Variants in DPYS observed in about 807,000 individuals in gnomAD.
DPYS encodes the protein dihydropyrimidinase.
DPYS carries 39 observed loss-of-function variants against 50.3 expected under a neutral mutation model. The observed-to-expected ratio is 0.78, with a 90% CI of 0.60 to 1.01. The LOEUF (loss-of-function observed/expected upper bound fraction) is 1.01. DPYS is among the 50% of genes least tolerant of loss of function. The probability of loss-of-function intolerance (pLI) is 0.00; values close to 1 mark genes in which losing one functional copy is unlikely to be tolerated. For synonymous variants in DPYS, 245 were observed against 250.7 expected, an observed-to-expected ratio of 0.98 and a Z score of 0.22; for missense variants, 659 against 680.9, an observed-to-expected ratio of 0.97 and a Z score of 0.36.
chr8:104,423,152 A>AT (rs1812602618), intron 7 of DPYS, among the ~76,000 whole-genome samples: 1 of 152,220 alleles, frequency 6.6e-6, no homozygotes, highest in South Asian at 2.1e-4. Context: ...TAAGATGTGT[A>AT]TACCACCCTT....
At chr8:104,410,114 A>G (rs112643275) in intron 7 of DPYS, among the ~76,000 whole-genome samples, 49 of 152,294 alleles carry the variant, frequency 3.2e-4, no homozygotes, top group African/African-American at 1.1e-3. Context: ...ATACATGAGC[A>G]AGGCTGCAGT....
At chr8:104,451,069 G>C (rs1466282287) in intron 2 of DPYS, among the ~76,000 whole-genome samples, 177 bp downstream of exon 2, 1 of 151,956 alleles carries the variant, frequency 6.6e-6, no homozygotes, top group African/African-American at 2.4e-5. Flanking sequence ...TTTTAAAATT[G>C]GTAATACTTC....
chr8:104,419,010 T>C (rs1384280315), intron 7 of DPYS: 3 of 985,352 alleles, frequency 3.0e-6, no homozygotes, highest in Non-Finnish European at 2.4e-6. Flanking sequence ...TGGCTTCATT[T>C]CATCTCTCTA....
chr8:104,390,976 C>T (rs375866892), intron 8 of DPYS, among the ~76,000 whole-genome samples: 2 of 152,172 alleles, frequency 1.3e-5, no homozygotes, highest in Non-Finnish European at 2.9e-5. Flanking sequence ...TAGTTACCAC[C>T]TACTTGTCAC....
intron 3 of DPYS, among the ~76,000 whole-genome samples, chr8:104,445,896 T>G (rs1813511008): frequency 6.6e-6 from 1 of 151,976 alleles, no homozygotes; most frequent in Non-Finnish European, 1.5e-5. Context: ...ATACAAACAA[T>G]TAGCCGGGCG....
intron 1 of DPYS, among the ~76,000 whole-genome samples, chr8:104,453,921 T>C (rs1162381080): frequency 1.3e-5 from 2 of 152,328 alleles, no homozygotes; most frequent in African/African-American, 4.8e-5. Flanking sequence ...AATATGATGC[T>C]AAGTGAGAAA....
chr8:104,443,539 T>C (rs1351268368), intron 4 of DPYS, among the ~76,000 whole-genome samples: 1 of 152,180 alleles, frequency 6.6e-6, no homozygotes, highest in South Asian at 2.1e-4. Context: ...TGCACTGCCC[T>C]GATTCAGGTA....
chr8:104,421,885 A>G (rs974015289), intron 7 of DPYS, among the ~76,000 whole-genome samples: 1 of 152,240 alleles, frequency 6.6e-6, no homozygotes, highest in African/African-American at 2.4e-5. Flanking sequence ...ATCAGTAGCA[A>G]AACTTGTGAG....
chr8:104,463,144 C>T (rs185601652), intron 1 of DPYS, among the ~76,000 whole-genome samples: 1 of 152,178 alleles, frequency 6.6e-6, no homozygotes, highest in East Asian at 1.9e-4. Context: ...AGCTATTGGT[C>T]TAAACTTTAG....
intron 2 of DPYS, among the ~76,000 whole-genome samples, chr8:104,447,918 G>C (rs1413809710): frequency 6.6e-6 from 1 of 152,206 alleles, no homozygotes; most frequent in Non-Finnish European, 1.5e-5. Flanking sequence ...CAATCTGAAA[G>C]CCATGGGTGG....
chr8:104,387,661 T>C (rs1294171467), intron 8 of DPYS, among the ~76,000 whole-genome samples: 1 of 152,220 alleles, frequency 6.6e-6, no homozygotes, highest in African/African-American at 2.4e-5. Context: ...TATTTCTTAA[T>C]ATATGAAATA....
chr8:104,446,285 A>G (rs1383017588), intron 3 of DPYS, among the ~76,000 whole-genome samples: 2 of 152,220 alleles, frequency 1.3e-5, no homozygotes, highest in Non-Finnish European at 2.9e-5. Context: ...AAGGTGAAAA[A>G]GATATGAAGT....
At chr8:104,456,548 C>T (rs2140755258) in intron 1 of DPYS, among the ~76,000 whole-genome samples, 2 of 152,288 alleles carry the variant, frequency 1.3e-5, no homozygotes, top group South Asian at 4.1e-4. Flanking sequence ...ATTCTTATCT[C>T]CCTCTCCTCA....
intron 4 of DPYS, among the ~76,000 whole-genome samples, chr8:104,438,065 C>G (rs1813210047): frequency 6.6e-6 from 1 of 152,092 alleles, no homozygotes; most frequent in Non-Finnish European, 1.5e-5. Context: ...GAAAATTTAC[C>G]TTTTACACAC....
At chr8:104,389,254 C>T (rs1283143584) in intron 8 of DPYS, among the ~76,000 whole-genome samples, 1 of 152,186 alleles carries the variant, frequency 6.6e-6, no homozygotes, top group African/African-American at 2.4e-5. Flanking sequence ...CTCTTATCCC[C>T]ACTCACAAAG....
At chr8:104,429,435 TAGA>T in intron 5 of DPYS, 107 bp downstream of exon 5, 1 of 1,461,114 alleles carries the variant, frequency 6.8e-7, no homozygotes, top group South Asian at 1.2e-5. Context: ...ACAGGTCAAG[TAGA>T]AGAGAATACT....
intron 7 of DPYS, among the ~76,000 whole-genome samples, chr8:104,422,961 A>C (rs914161683): frequency 5.9e-5 from 9 of 152,202 alleles, no homozygotes; most frequent in African/African-American, 2.2e-4. Context: ...TTGCCTTTCC[A>C]AGCACAATTT....
At chr8:104,401,469 T>C (rs1245107408) in intron 7 of DPYS, among the ~76,000 whole-genome samples, 1 of 152,120 alleles carries the variant, frequency 6.6e-6, no homozygotes, top group Non-Finnish European at 1.5e-5. Flanking sequence ...GAGGTTGTGC[T>C]CTTAACCACT....
chr8:104,405,217 C>G (rs1272699587), intron 7 of DPYS, among the ~76,000 whole-genome samples: 1 of 152,208 alleles, frequency 6.6e-6, no homozygotes, highest in Non-Finnish European at 1.5e-5. Flanking sequence ...CTCATTGAAT[C>G]TCTCAACAAT....
Sources: gnomAD v4.1 joint callset for allele counts (sites outside exome capture counted in the v4.1 genomes callset) on GRCh38, gnomAD v4.1.1 for gene constraint, MANE v1.5 for transcripts, NCBI Gene and HGNC (gene_info 2026-07-23, HGNC 2026-07-21) for gene names.